Variants in CFAP47 observed in about 807,000 individuals in gnomAD.
CFAP47 encodes the protein cilia- and flagella-associated protein 47.
Under a neutral mutation model 148.1 loss-of-function variants are expected in CFAP47, and 29 were observed. That is an observed-to-expected ratio of 0.20 (90% CI 0.15 to 0.27). The LOEUF (loss-of-function observed/expected upper bound fraction) is 0.27, where lower values mean the gene tolerates loss of function less well. CFAP47 is among the 10% of genes least tolerant of loss of function. CFAP47 has a pLI of 1.00. For synonymous variants in CFAP47, 664 were observed against 577.3 expected (o/e 1.15, Z -2.15); for missense variants, 1,872 against 1,697.5 (o/e 1.10, Z -1.81).
chrX:36,020,671 T>C (rs1317068559), intron 22 of CFAP47, among the ~76,000 whole-genome samples: 27 of 111,928 alleles, frequency 2.4e-4, no homozygotes, highest in African/African-American at 8.8e-4. Context: ...TCTTTTTTGG[T>C]TTCTGTTGGA....
chrX:36,243,644 TG>T (rs2146915884), intron 48 of CFAP47, among the ~76,000 whole-genome samples: 1 of 43,025 alleles, frequency 2.3e-5, no homozygotes, highest in African/African-American at 1.6e-4. Context: ...ATTATATGTG[TG>T]TGTATATATA....
intron 15 of CFAP47, among the ~76,000 whole-genome samples, chrX:35,977,965 T>G (rs1424524425): frequency 8.9e-6 from 1 of 112,056 alleles, no homozygotes; most frequent in Non-Finnish European, 1.9e-5. Flanking sequence ...CATCATAATT[T>G]GTTAAGTATC....
At chrX:36,074,939 C>G (rs1044584786) in intron 29 of CFAP47, among the ~76,000 whole-genome samples, 1 of 110,754 alleles carries the variant, frequency 9.0e-6, no homozygotes, top group African/African-American at 3.3e-5. Context: ...TCAGGTTCAT[C>G]CATGTTGTCA....
chrX:36,168,849 T>C (rs1569278393), intron 39 of CFAP47, among the ~76,000 whole-genome samples: 1 of 112,508 alleles, frequency 8.9e-6, no homozygotes, highest in Admixed American at 9.4e-5. Flanking sequence ...TTTTATTACC[T>C]CTTGTGGTTT....
At chrX:36,203,857 C>T (rs1196523621) in intron 44 of CFAP47, among the ~76,000 whole-genome samples, 1 of 111,738 alleles carries the variant, frequency 8.9e-6, no homozygotes, top group East Asian at 2.8e-4. Context: ...TCATTGTAAT[C>T]ATTGAGGAAC....
chrX:36,335,616 C>T (rs1199012659), intron 57 of CFAP47, among the ~76,000 whole-genome samples: 2 of 111,219 alleles, frequency 1.8e-5, no homozygotes, highest in Non-Finnish European at 3.8e-5. Flanking sequence ...TCTGTTGGTT[C>T]CCATGACAGC....
At chrX:35,966,485 A>T in intron 8 of CFAP47, 80 bp from the exon 9 acceptor site, 1 of 650,366 alleles carries the variant, frequency 1.5e-6, no homozygotes, top group Non-Finnish European at 2.1e-6. Context: ...AAATTTTATT[A>T]ACTGGTTTTT....
At chrX:36,121,035 G>A (rs1569265245) in intron 33 of CFAP47, among the ~76,000 whole-genome samples, 1 of 111,437 alleles carries the variant, frequency 9.0e-6, no homozygotes, top group Non-Finnish European at 1.9e-5. Context: ...TTACATATCT[G>A]GGTGCTCTAG....
intron 44 of CFAP47, 118 bp downstream of exon 44, chrX:36,201,618 A>C: frequency 3.5e-6 from 1 of 285,676 alleles, no homozygotes; most frequent in Non-Finnish European, 6.1e-6. Context: ...TTAGAAGGAA[A>C]AGTAATGAGT....
intron 42 of CFAP47, among the ~76,000 whole-genome samples, chrX:36,199,023 C>T (rs974828954): frequency 1.8e-5 from 2 of 112,015 alleles, no homozygotes; most frequent in African/African-American, 6.5e-5. Flanking sequence ...CCAAAGATAT[C>T]CTTGCTATAA....
At chrX:36,017,182 T>C (rs933462000) in intron 22 of CFAP47, among the ~76,000 whole-genome samples, 5 of 111,926 alleles carry the variant, frequency 4.5e-5, no homozygotes, top group African/African-American at 1.6e-4. Flanking sequence ...CAAAGAGATA[T>C]CTGCACTTCC....
intron 57 of CFAP47, among the ~76,000 whole-genome samples, chrX:36,319,676 A>G (rs782413401): frequency 9.0e-6 from 1 of 111,370 alleles, no homozygotes; most frequent in African/African-American, 3.3e-5. Flanking sequence ...TAGTATATTG[A>G]TAGTAATAAA....
intron 21 of CFAP47, among the ~76,000 whole-genome samples, chrX:36,010,469 T>G (rs1449265785): frequency 9.2e-6 from 1 of 108,253 alleles, no homozygotes; most frequent in Non-Finnish European, 1.9e-5. Flanking sequence ...GTCGTTTTTT[T>G]TTTTTTGAGA....
At chrX:36,020,997 G>T (rs758998603) in intron 22 of CFAP47, among the ~76,000 whole-genome samples, 2 of 110,200 alleles carry the variant, frequency 1.8e-5, no homozygotes, top group African/African-American at 3.3e-5. Context: ...TATTTTTTTG[G>T]TTTGAGGTTA....
intron 48 of CFAP47, among the ~76,000 whole-genome samples, chrX:36,249,625 A>C (rs1181270332): frequency 9.0e-6 from 1 of 111,311 alleles, no homozygotes; most frequent in Non-Finnish European, 1.9e-5. Context: ...TCTAAAAAAT[A>C]AAAGATAAGT....
intron 51 of CFAP47, among the ~76,000 whole-genome samples, chrX:36,287,138 A>G (rs1433982229): frequency 2.7e-5 from 3 of 111,711 alleles, no homozygotes; most frequent in African/African-American, 9.7e-5. Flanking sequence ...AAAAACCACT[A>G]CTTATCTCTT....
intron 39 of CFAP47, among the ~76,000 whole-genome samples, chrX:36,167,702 A>G (rs1210273845): frequency 7.2e-5 from 8 of 111,754 alleles, no homozygotes; most frequent in South Asian, 3.7e-4. Flanking sequence ...GAAGAGCCCT[A>G]TGTTCTTGGC....
intron 56 of CFAP47, among the ~76,000 whole-genome samples, chrX:36,317,999 G>A (rs1941450858): frequency 9.0e-6 from 1 of 111,241 alleles, no homozygotes; most frequent in African/African-American, 3.3e-5. Flanking sequence ...CAATATTTGA[G>A]AGCTTATAAA....
At chrX:35,962,437 T>C (rs1936343626) in intron 8 of CFAP47, among the ~76,000 whole-genome samples, 1 of 111,351 alleles carries the variant, frequency 9.0e-6, no homozygotes, top group African/African-American at 3.3e-5. Context: ...TCTCCCACTA[T>C]TGTAGTTGAA....
Sources: gnomAD v4.1 joint callset for allele counts (sites outside exome capture counted in the v4.1 genomes callset) on GRCh38, gnomAD v4.1.1 for gene constraint, MANE v1.5 for transcripts, NCBI Gene and HGNC (gene_info 2026-07-23, HGNC 2026-07-21) for gene names.